Variants in ABHD3 observed in about 807,000 individuals in gnomAD.
ABHD3 encodes the protein abhydrolase domain containing 3, phospholipase.
ABHD3 carries 46 observed loss-of-function variants against 48.8 expected under a neutral mutation model. The observed-to-expected ratio is 0.94, with a 90% CI of 0.74 to 1.20. ABHD3 has a LOEUF of 1.20. Ranked by LOEUF, ABHD3 falls within the 50% of genes most tolerant of loss-of-function variation. The pLI is 0.00. For synonymous variants in ABHD3, 192 were observed against 183.7 expected (o/e 1.04, Z -0.36); for missense variants, 490 against 497.8 (o/e 0.98, Z 0.15).
At chr18:21,662,975 C>T (rs1268744142) in intron 5 of ABHD3, among the ~76,000 whole-genome samples, 2 of 152,148 alleles carry the variant, frequency 1.3e-5, no homozygotes, top group Non-Finnish European at 1.5e-5. Context: ...AGGAAAGTGA[C>T]GCTAAACTCC....
chr18:21,685,429 T>G (rs1368029036), intron 3 of ABHD3, among the ~76,000 whole-genome samples: 2 of 152,196 alleles, frequency 1.3e-5, no homozygotes, highest in Non-Finnish European at 2.9e-5. Flanking sequence ...TATAGAAAAT[T>G]TTATTAGGCC....
At chr18:21,675,557 G>A (rs143942681) in intron 4 of ABHD3, among the ~76,000 whole-genome samples, 62 of 151,934 alleles carry the variant, frequency 4.1e-4, no homozygotes, top group East Asian at 2.7e-3. Flanking sequence ...ATGAGTCACC[G>A]CACCCAGCCT....
intron 5 of ABHD3, among the ~76,000 whole-genome samples, chr18:21,659,661 T>G (rs376814868): frequency 5.7e-4 from 66 of 116,504 alleles, no homozygotes; most frequent in Non-Finnish European, 9.5e-4. Context: ...TCACCTAGAG[T>G]TTTTTTTTTT....
At chr18:21,665,657 C>CA (rs543236220) in intron 4 of ABHD3, among the ~76,000 whole-genome samples, 45 of 151,746 alleles carry the variant, frequency 3.0e-4, no homozygotes, top group Non-Finnish European at 6.2e-4. Context: ...ACTAAAAATA[C>CA]AAAAAATTAG....
intron 3 of ABHD3, among the ~76,000 whole-genome samples, chr18:21,688,208 G>T (rs950636566): frequency 6.6e-6 from 1 of 152,170 alleles, no homozygotes; most frequent in Non-Finnish European, 1.5e-5. Context: ...AACTTCCATG[G>T]GTTGTGAGTA....
intron 4 of ABHD3, among the ~76,000 whole-genome samples, chr18:21,680,102 C>G (rs1221489916): frequency 6.6e-6 from 1 of 152,336 alleles, no homozygotes; most frequent in East Asian, 1.9e-4. Flanking sequence ...CAACCTCCAC[C>G]TCCTGGGTTC....
At chr18:21,676,601 GGCTGGTCTCGAACTCCTGGCCT>G in intron 4 of ABHD3, among the ~76,000 whole-genome samples, 1 of 152,324 alleles carries the variant, frequency 6.6e-6, no homozygotes, top group South Asian at 2.1e-4. Flanking sequence ...GTGTTGGCCA[GGCTGGTCTCGAACTCCTGGCCT>G]CAAGTGATCC....
chr18:21,670,784 G>A (rs2039739820), intron 4 of ABHD3, among the ~76,000 whole-genome samples: 1 of 152,164 alleles, frequency 6.6e-6, no homozygotes, highest in African/African-American at 2.4e-5. Flanking sequence ...GGAGGCTGAG[G>A]AGGGTGGATC....
chr18:21,672,546 T>C (rs1199706139), intron 4 of ABHD3, among the ~76,000 whole-genome samples: 1 of 152,322 alleles, frequency 6.6e-6, no homozygotes, highest in South Asian at 2.1e-4. Context: ...CACTCAAATA[T>C]TGGATAAGAT....
Position 21,664,206 on chromosome 18 carries a change from T to C in ABHD3, c.580A>G (p.Asn194Asp). The C allele has an allele frequency of 6.2e-7, 1 of 1,614,010 alleles. No individual in the cohort carries two copies. Among genetic ancestry groups the C allele is most frequent in the Non-Finnish European group, 8.5e-7 (1 of 1,179,978 alleles). Reference protein sequence around the residue: ...LLTPRTYCCANTEDLETVIHH... With the variant: ...LLTPRTYCCADTEDLETVIHH... ...ATAACTGTCTCCAAGTCTTCAGTGT[T>C]AGCACAACAATAAGTCCTTGGCGTC... Residue 194 changes from asparagine to aspartate, a missense_variant, in exon 5 of 9, where the codon AAC (asparagine) becomes GAC (aspartate). Asn to Asp is a conservative substitution (Grantham distance 23, BLOSUM62 1). Transcript: ENST00000289119.
intron 4 of ABHD3, among the ~76,000 whole-genome samples, chr18:21,669,286 G>A (rs1200531361): frequency 6.6e-6 from 1 of 152,100 alleles, no homozygotes; most frequent in Non-Finnish European, 1.5e-5. Context: ...ACAGTTTCCA[G>A]AACTCTGAGA....
intron 4 of ABHD3, among the ~76,000 whole-genome samples, chr18:21,670,552 CA>C (rs1026748989): frequency 6.6e-6 from 1 of 152,186 alleles, no homozygotes; most frequent in African/African-American, 2.4e-5. Context: ...TGACGCCGAG[CA>C]ATCCTTCCAG....
chr18:21,669,124 C>T (rs995016988), intron 4 of ABHD3, among the ~76,000 whole-genome samples: 4 of 152,102 alleles, frequency 2.6e-5, no homozygotes. Flanking sequence ...TGGAGGATCA[C>T]CTGAGACTGG....
In ABHD3 at chr18:21,657,177, A is replaced by C. The variant is rs780929565; in HGVS notation, c.843-25T>G. 18 of 1,584,482 alleles carry C rather than the reference A, an allele frequency of 1.1e-5. No individual in the cohort carries two copies. The Admixed American group carries it at 2.2e-4, about 19-fold the overall frequency. On this transcript the variant is annotated intron_variant, in intron 6 of 8. Coordinates refer to ENST00000289119, the MANE Select transcript of ABHD3 (RefSeq NM_138340.5). ...CCTGGAACAAAAGAATTTCGGAAGT[A>C]AAAATCAAGATCATTCCTACTCCAT...
chr18:21,667,234 C>CTTT (rs745430805), intron 4 of ABHD3, among the ~76,000 whole-genome samples: 2 of 81,472 alleles, frequency 2.5e-5, no homozygotes, highest in Non-Finnish European at 2.2e-5. Context: ...CCACCACACC[C>CTTT]TTTTTTTTTT....
chr18:21,704,422 C>G, intron 1 of ABHD3, 82 bp downstream of exon 1: 2 of 1,238,300 alleles, frequency 1.6e-6, no homozygotes, highest in South Asian at 7.0e-5. Flanking sequence ...GCCGACCGCC[C>G]CTGGCCGCGC....
At chr18:21,684,697 T>C (rs1032726847) in intron 3 of ABHD3, among the ~76,000 whole-genome samples, 3 of 152,222 alleles carry the variant, frequency 2.0e-5, no homozygotes, top group Admixed American at 6.5e-5. Flanking sequence ...CGTATCTATT[T>C]ATATTCTAAG....
intron 3 of ABHD3, among the ~76,000 whole-genome samples, chr18:21,693,553 T>C (rs1438646095): frequency 6.6e-6 from 1 of 152,210 alleles, no homozygotes; most frequent in African/African-American, 2.4e-5. Flanking sequence ...AAAAGAGCTT[T>C]GTCCCTGAAG....
At chr18:21,659,407 C>CTTA in intron 5 of ABHD3, 64 bp from the exon 6 acceptor site, 1 of 1,489,918 alleles carries the variant, frequency 6.7e-7, no homozygotes, top group Non-Finnish European at 9.1e-7. Context: ...ACATCCATTT[C>CTTA]TAACTACAGA....
Sources: allele counts gnomAD v4.1 joint callset (sites outside exome capture counted in the v4.1 genomes callset), GRCh38; gene constraint gnomAD v4.1.1; transcripts MANE v1.5; gene names NCBI Gene and HGNC (gene_info 2026-07-23, HGNC 2026-07-21).